SLCO3A1: variants seen among roughly 807,000 people sequenced by gnomAD.
SLCO3A1 encodes PGE1 transporter.
In SLCO3A1, 27 loss-of-function variants were observed where a neutral mutation model predicts 63.1. The ratio of observed to expected loss-of-function variants is 0.43; its 90% CI spans 0.32 to 0.59. The LOEUF (loss-of-function observed/expected upper bound fraction) is 0.59. Ranked by LOEUF, SLCO3A1 falls within the 20% of genes least tolerant of loss-of-function variation. The pLI is 0.09. For synonymous variants in SLCO3A1, 473 were observed against 409.9 expected (o/e 1.15, Z -1.86); for missense variants, 773 against 945.8 (o/e 0.82, Z 2.40).
At position 91,966,953 on chromosome 15, in the gene SLCO3A1, A is replaced by G. The variant is rs1395220615; in HGVS notation, c.646+50495A>G. Among the ~76,000 whole-genome samples the G allele has an allele frequency of 2.0e-5, 3 of 152,154 alleles. No homozygotes were observed. The East Asian group carries it at 5.8e-4, about 29-fold the overall frequency. On this transcript the variant is annotated intron_variant, in intron 2 of 9. Coordinates refer to ENST00000318445, the MANE Select transcript of SLCO3A1 (RefSeq NM_013272.4). ...TTACTTCCAAAGGGCAGCTTTGGTC[A>G]TGGAGGAGAAGACAAAAGCGTGGTG...
chr15:92,015,125 A>G (rs961359565), intron 2 of SLCO3A1, among the ~76,000 whole-genome samples: 12 of 152,138 alleles, frequency 7.9e-5, no homozygotes, highest in African/African-American at 2.9e-4. Context: ...TGTCCTACTG[A>G]TGAGCAAGGT....
intron 1 of SLCO3A1, among the ~76,000 whole-genome samples, chr15:91,903,412 A>T (rs2151370076): frequency 6.6e-6 from 1 of 152,352 alleles, no homozygotes; most frequent in African/African-American, 2.4e-5. Context: ...CCACCATTTC[A>T]GAAGCTCTCT....
At chr15:91,903,957 G>C (rs1457060976) in intron 1 of SLCO3A1, among the ~76,000 whole-genome samples, 2 of 152,200 alleles carry the variant, frequency 1.3e-5, no homozygotes, top group African/African-American at 4.8e-5. Context: ...AGCCGGTGGA[G>C]AGGGTGAGAG....
intron 2 of SLCO3A1, among the ~76,000 whole-genome samples, chr15:91,980,299 G>T (rs1477210523): frequency 6.6e-6 from 1 of 151,940 alleles, no homozygotes; most frequent in Non-Finnish European, 1.5e-5. Flanking sequence ...ATTTTACTGT[G>T]CTGGGTGTAG....
intron 2 of SLCO3A1, among the ~76,000 whole-genome samples, chr15:91,959,496 G>A (rs944569213): frequency 6.6e-6 from 1 of 152,074 alleles, no homozygotes; most frequent in African/African-American, 2.4e-5. Flanking sequence ...TTGGGAAGCT[G>A]AGGCGGGCAG....
At chr15:91,907,454 C>T (rs995625033) in intron 1 of SLCO3A1, among the ~76,000 whole-genome samples, 2 of 150,884 alleles carry the variant, frequency 1.3e-5, no homozygotes, top group Non-Finnish European at 3.0e-5. Flanking sequence ...GATTCTCCCA[C>T]CTTGGCCTCC....
rs192948462 is a variant in SLCO3A1 at position 92,150,611 on chromosome 15, C to G, written c.1689-339C>G. ...TTTCCCCCCCATACGTGTACCCCAC[C>G]CACTTAAGATGCTTCCTGATCTCAG... On this transcript the variant is annotated intron_variant, in intron 8 of 9. Transcript: ENST00000318445. Among the ~76,000 whole-genome samples, 210 of 151,978 alleles carry G rather than the reference C, an allele frequency of 1.4e-3. 1 individual carries two copies. The highest frequency in any genetic ancestry group is 4.9e-3 in the African/African-American group (201 of 41,440).
chr15:92,023,558 TC>T (rs2046535624), intron 2 of SLCO3A1, among the ~76,000 whole-genome samples: 2 of 152,104 alleles, frequency 1.3e-5, no homozygotes, highest in Admixed American at 1.3e-4. Context: ...AGCCTCTGCC[TC>T]CCGGGTTCAG....
intron 2 of SLCO3A1, among the ~76,000 whole-genome samples, chr15:92,053,732 G>T (rs115552047): frequency 6.7e-6 from 1 of 149,270 alleles, no homozygotes; most frequent in African/African-American, 2.5e-5. Flanking sequence ...TTAAACTGGG[G>T]TTATGGGTTT....
At chr15:92,142,740 C>T (rs780533426) in intron 7 of SLCO3A1, among the ~76,000 whole-genome samples, 8 of 152,122 alleles carry the variant, frequency 5.3e-5, no homozygotes, top group African/African-American at 7.2e-5. Context: ...GTGCAGGCAC[C>T]GTGCCAGCTG....
chr15:92,089,318 G>A (rs1210854480), intron 2 of SLCO3A1, among the ~76,000 whole-genome samples: 1 of 152,142 alleles, frequency 6.6e-6, no homozygotes, highest in African/African-American at 2.4e-5. Context: ...GAGCCACCAC[G>A]CCCAGCCACC....
chr15:91,855,097 A>G (rs1281343547), intron 1 of SLCO3A1, among the ~76,000 whole-genome samples: 2 of 152,208 alleles, frequency 1.3e-5, no homozygotes, highest in African/African-American at 4.8e-5. Flanking sequence ...ATCAAATGTC[A>G]TAGACTTTGA....
At chr15:91,867,910 G>A (rs754922294) in intron 1 of SLCO3A1, among the ~76,000 whole-genome samples, 4 of 152,216 alleles carry the variant, frequency 2.6e-5, no homozygotes, top group Non-Finnish European at 4.4e-5. Context: ...GCATTTCTGC[G>A]CTGTTGCTCC....
intron 2 of SLCO3A1, among the ~76,000 whole-genome samples, chr15:91,922,069 T>C (rs1187611114): frequency 6.6e-6 from 1 of 152,234 alleles, no homozygotes; most frequent in Non-Finnish European, 1.5e-5. Flanking sequence ...CTCATTTGTG[T>C]GTCTGTGTAT....
At chr15:92,092,978 C>T (rs2047495034) in intron 2 of SLCO3A1, among the ~76,000 whole-genome samples, 1 of 152,188 alleles carries the variant, frequency 6.6e-6, no homozygotes, top group Non-Finnish European at 1.5e-5. Flanking sequence ...TTCTTCGCAT[C>T]CAAGTAGGAT....
intron 2 of SLCO3A1, among the ~76,000 whole-genome samples, chr15:91,988,039 G>A (rs549326746): frequency 6.6e-6 from 1 of 152,334 alleles, no homozygotes; most frequent in South Asian, 2.1e-4. Context: ...TCACCTGACA[G>A]ATAATTGTGT....
Position 92,095,520 on chromosome 15 carries a change from C to T in SLCO3A1, c.745+541C>T, listed in dbSNP as rs569787200. Among the ~76,000 whole-genome samples, 75 of 152,306 alleles carry T rather than the reference C, an allele frequency of 4.9e-4. No individual in the cohort carries two copies. The South Asian group carries it at 0.014, about 29-fold the overall frequency. On this transcript the variant is annotated intron_variant, in intron 3 of 9. Transcript: ENST00000318445. ...TATCCACATTCAAAACCATTTTAAG[C>T]AGAACCTGTGTTCTTAGCAGGAAGT...
At chr15:92,107,728 A>G (rs144978912) in intron 4 of SLCO3A1, among the ~76,000 whole-genome samples, 4,162 of 152,310 alleles carry the variant, frequency 0.027, 87 homozygotes, top group Admixed American at 0.046. Context: ...AAGAGCTGGC[A>G]TTATGCCAGG....
At chr15:92,090,043 T>C (rs1307356593) in intron 2 of SLCO3A1, among the ~76,000 whole-genome samples, 3 of 152,132 alleles carry the variant, frequency 2.0e-5, no homozygotes, top group Admixed American at 6.5e-5. Flanking sequence ...AGAAAATATA[T>C]ATATATTTTA....
Sources: gnomAD v4.1 joint callset for allele counts (sites outside exome capture counted in the v4.1 genomes callset) on GRCh38, gnomAD v4.1.1 for gene constraint, MANE v1.5 for transcripts, NCBI Gene and HGNC (gene_info 2026-07-23, HGNC 2026-07-21) for gene names.